The following PDE8B variants were observed in gnomAD, a reference collection of about 807,000 sequenced individuals.
The protein encoded by PDE8B is high affinity cAMP-specific and IBMX-insensitive 3',5'-cyclic phosphodiesterase 8B.
A neutral mutation model predicts 101.3 loss-of-function variants in PDE8B; 26 were observed. That is an observed-to-expected ratio of 0.26 (90% CI 0.19 to 0.36). The LOEUF is 0.36. Among genes scored for constraint, PDE8B ranks in the 10% least tolerant of loss-of-function variants. The pLI is 1.00. For synonymous variants in PDE8B, 424 were observed against 429.3 expected, an observed-to-expected ratio of 0.99 and a Z score of 0.15; for missense variants, 810 against 1,163.1, an observed-to-expected ratio of 0.70 and a Z score of 4.42.
At chr5:77,280,918 G>C (rs140101241) in intron 1 of PDE8B, among the ~76,000 whole-genome samples, 211 of 143,348 alleles carry the variant, frequency 1.5e-3, no homozygotes, top group African/African-American at 4.4e-3. Context: ...AACAAACAAA[G>C]AAACAAAAAA....
chr5:77,201,753 C>G, the PDE8B span, among the ~76,000 whole-genome samples: 260 of 152,296 alleles, frequency 1.7e-3, no homozygotes, highest in Non-Finnish European at 2.8e-3. Flanking sequence ...CCCTCCCCAC[C>G]CTTTTTTTCT....
intron 6 of PDE8B, among the ~76,000 whole-genome samples, chr5:77,340,028 CTA>C (rs952637320): frequency 6.6e-6 from 1 of 152,078 alleles, no homozygotes; most frequent in Non-Finnish European, 1.5e-5. Flanking sequence ...TAAATGATGA[CTA>C]TTTATCTCTT....
the PDE8B span, among the ~76,000 whole-genome samples, chr5:77,178,747 A>T: frequency 6.6e-6 from 1 of 152,028 alleles, no homozygotes; most frequent in Non-Finnish European, 1.5e-5. Flanking sequence ...TCAATATCTC[A>T]GCTGGGGCTG....
chr5:77,287,091 C>G (rs1370711148), intron 1 of PDE8B, among the ~76,000 whole-genome samples: 1 of 152,134 alleles, frequency 6.6e-6, no homozygotes, highest in Non-Finnish European at 1.5e-5. Context: ...TTTACCTTTT[C>G]TAAATGACAT....
upstream of PDE8B, among the ~76,000 whole-genome samples, chr5:77,210,228 G>C (rs889462496): frequency 3.0e-4 from 45 of 152,084 alleles, no homozygotes; most frequent in African/African-American, 1.0e-3. The surrounding 1 kb of genome is among the most constrained non-coding windows in gnomAD (Gnocchi z 4.9). Context: ...GTCGGGATGA[G>C]TGCAGAAGAG....
chr5:77,282,455 G>A (rs913818131), intron 1 of PDE8B, among the ~76,000 whole-genome samples: 1 of 152,132 alleles, frequency 6.6e-6, no homozygotes, highest in African/African-American at 2.4e-5. Flanking sequence ...GACGCTGGCT[G>A]AGTTTGGATT....
At chr5:77,412,961 C>T (rs1794848961) in intron 16 of PDE8B, 150 bp from the exon 17 acceptor site, 1 of 716,658 alleles carries the variant, frequency 1.4e-6, no homozygotes, top group African/African-American at 1.8e-5. Context: ...GAGATCCTAC[C>T]TCCTAATTTT....
chr5:77,309,081 A>G (rs1039966548), intron 1 of PDE8B, among the ~76,000 whole-genome samples: 5 of 152,092 alleles, frequency 3.3e-5, no homozygotes, highest in Admixed American at 2.0e-4. Flanking sequence ...TGGGAGGCTG[A>G]GGCAGGAAAA....
At chr5:77,294,558 G>A (rs1204485219) in intron 1 of PDE8B, among the ~76,000 whole-genome samples, 1 of 151,254 alleles carries the variant, frequency 6.6e-6, no homozygotes, top group African/African-American at 2.4e-5. Flanking sequence ...AGTTACAAAA[G>A]AACAGGACGA....
At chr5:77,412,019 A>T in intron 15 of PDE8B, 81 bp from the exon 16 acceptor site, 1 of 1,411,622 alleles carries the variant, frequency 7.1e-7, no homozygotes, top group Admixed American at 1.7e-5. Flanking sequence ...TTCTAGTAGT[A>T]ACTATGAAGA....
chr5:77,421,494 T>C (rs939048635), intron 19 of PDE8B, among the ~76,000 whole-genome samples: 5 of 151,876 alleles, frequency 3.3e-5, no homozygotes, highest in Non-Finnish European at 5.9e-5. Flanking sequence ...ATCAAATTGC[T>C]CAAAATAAAA....
chr5:77,388,972 G>A (rs1225156775), intron 10 of PDE8B, among the ~76,000 whole-genome samples: 1 of 152,130 alleles, frequency 6.6e-6, no homozygotes, highest in Non-Finnish European at 1.5e-5. Flanking sequence ...TGCCGGCAGC[G>A]AGAATTTCAG....
intron 1 of PDE8B, among the ~76,000 whole-genome samples, chr5:77,250,687 T>C (rs563149978): frequency 6.6e-6 from 1 of 152,286 alleles, no homozygotes; most frequent in South Asian, 2.1e-4. Context: ...GAGGTCTCAG[T>C]CTCTCTATAG....
the PDE8B span, among the ~76,000 whole-genome samples, chr5:77,123,357 C>A: frequency 8.7e-6 from 1 of 115,142 alleles, no homozygotes; most frequent in African/African-American, 2.8e-5. Context: ...TTGAATTCCT[C>A]CCCCACCGCC....
chr5:77,150,271 G>A, the PDE8B span, among the ~76,000 whole-genome samples: 1 of 152,152 alleles, frequency 6.6e-6, no homozygotes, highest in Non-Finnish European at 1.5e-5. Flanking sequence ...GATGGGAACA[G>A]GATTTCATGG....
At chr5:77,186,807 G>A in the PDE8B span, among the ~76,000 whole-genome samples, 1 of 152,172 alleles carries the variant, frequency 6.6e-6, no homozygotes, top group East Asian at 1.9e-4. Flanking sequence ...ATAGTGCGCA[G>A]AGGGGAGGCC....
Position 77,222,751 on chromosome 5 carries a change from GC to G in PDE8B, c.339+11488del, listed in dbSNP as rs961550258. Among the ~76,000 whole-genome samples, 54 of 152,326 alleles carry G rather than the reference GC, an allele frequency of 3.5e-4. 1 individual carries two copies. Among genetic ancestry groups the G allele is most frequent in the African/African-American group, 1.3e-3 (52 of 41,568 alleles). ...CAGGTGAGACACTCCTACTGGGAGA[GC>G]ATGAAGAACTGTGAGCCTGAGGGGT... On this transcript the variant is annotated intron_variant, in intron 1 of 21. Transcript: ENST00000264917.
chr5:77,179,227 G>T, the PDE8B span, among the ~76,000 whole-genome samples: 1 of 152,196 alleles, frequency 6.6e-6, no homozygotes, highest in African/African-American at 2.4e-5. Flanking sequence ...TATGACTAAT[G>T]TCAAAAATAA....
At chr5:77,174,859 C>T in the PDE8B span, among the ~76,000 whole-genome samples, 1 of 152,102 alleles carries the variant, frequency 6.6e-6, no homozygotes, top group Non-Finnish European at 1.5e-5. Flanking sequence ...ATGGCTCTAG[C>T]CCTGACCTGT....
Sources: gnomAD v4.1 joint callset for allele counts (sites outside exome capture counted in the v4.1 genomes callset) on GRCh38, gnomAD v4.1.1 for gene constraint, Gnocchi (gnomAD v3.1) non-coding constraint, MANE v1.5 for transcripts, NCBI Gene and HGNC (gene_info 2026-07-23, HGNC 2026-07-21) for gene names.